MRPS6: variants seen among roughly 807,000 people sequenced by gnomAD.
The protein encoded by MRPS6 is small ribosomal subunit protein bS6m.
A neutral mutation model predicts 13.1 loss-of-function variants in MRPS6; 6 were observed. That is an observed-to-expected ratio of 0.46 (90% CI 0.25 to 0.91). The LOEUF is 0.91. Ranked by LOEUF, MRPS6 falls within the 40% of genes least tolerant of loss-of-function variation. MRPS6 has a pLI of 0.18. For missense variants in MRPS6, 164 were observed against 155.6 expected (o/e 1.05, Z -0.29); for synonymous variants, 61 against 56.5 (o/e 1.08, Z -0.36).
At chr21:34,130,815 T>C (rs1438815248) in intron 2 of MRPS6, among the ~76,000 whole-genome samples, 1 of 152,200 alleles carries the variant, frequency 6.6e-6, no homozygotes, top group Non-Finnish European at 1.5e-5. Flanking sequence ...TTAGTGTGGG[T>C]CAAAGTTACG....
At chr21:34,098,870 T>C (rs1056567336) in intron 1 of MRPS6, 5 of 999,644 alleles carry the variant, frequency 5.0e-6, no homozygotes, top group Non-Finnish European at 6.0e-6. Context: ...AAGCAAATTA[T>C]GTATGTACTT....
intron 1 of MRPS6, among the ~76,000 whole-genome samples, chr21:34,113,856 T>C (rs1979802472): frequency 6.6e-6 from 1 of 152,208 alleles, no homozygotes; most frequent in Non-Finnish European, 1.5e-5. Context: ...TCTAAATCTT[T>C]GGTTGACTGT....
At chr21:34,133,734 C>CT (rs552317640) in intron 2 of MRPS6, among the ~76,000 whole-genome samples, 47 of 152,280 alleles carry the variant, frequency 3.1e-4, no homozygotes, top group African/African-American at 1.1e-3. Flanking sequence ...GCACATTACT[C>CT]TAAGCACAGG....
At position 34,136,094 on chromosome 21, in the gene MRPS6, C is replaced by T. The variant is rs528395927; in HGVS notation, c.186-6314C>T. On this transcript the variant is annotated intron_variant, in intron 2 of 2. Transcript: ENST00000399312. ...CATCCAGAGGGCACAGCCCGAGTGTCTCTGTTACTTGGCGTGGACCTCGTG... is the reference window on the plus strand; with the variant it reads ...CATCCAGAGGGCACAGCCCGAGTGTTTCTGTTACTTGGCGTGGACCTCGTG... 187 of 217,544 alleles carry T rather than the reference C, an allele frequency of 8.6e-4. 4 individuals carry two copies. The highest frequency in any genetic ancestry group is 7.5e-3 in the South Asian group (92 of 12,242). 13.5% of individuals were successfully genotyped at this position (217,544 alleles called of 1,614,324 possible). A position where few individuals can be genotyped will look rare whatever the true frequency, so the allele number is the denominator to read the frequency against.
chr21:34,129,779 T>C (rs1227512401), intron 2 of MRPS6, among the ~76,000 whole-genome samples: 1 of 152,192 alleles, frequency 6.6e-6, no homozygotes, highest in Non-Finnish European at 1.5e-5. Flanking sequence ...CCCGTTCTCG[T>C]GTGTAGGTAC....
In MRPS6 at chr21:34,125,326, CACAA is replaced by C. The variant is rs749705954; in HGVS notation, c.46-9_46-6del. The C allele has an allele frequency of 2.1e-5, 33 of 1,599,794 alleles. No homozygotes were observed. The South Asian group carries it at 3.0e-4, about 14-fold the overall frequency. On this transcript the variant is annotated splice_polypyrimidine_tract_variant and intron_variant, in intron 1 of 2. Transcript: ENST00000399312. ...TGCTTTTTTTTCTTTTCTTTAAAAA[CACAA>C]ACAAAAACAGCCAGAGACTGCTGCT...
At chr21:34,074,584 C>G (rs921324439) in intron 1 of MRPS6, among the ~76,000 whole-genome samples, 1 of 152,242 alleles carries the variant, frequency 6.6e-6, no homozygotes, top group South Asian at 2.1e-4. Flanking sequence ...TCACTTCGTC[C>G]TCTGTCCTGG....
At chr21:34,082,531 T>C (rs1989482361) in intron 1 of MRPS6, among the ~76,000 whole-genome samples, 1 of 151,634 alleles carries the variant, frequency 6.6e-6, no homozygotes, top group Non-Finnish European at 1.5e-5. Context: ...GCCTAGAAAA[T>C]ATTTTTTTTT....
chr21:34,107,620 A>C lies in MRPS6; in HGVS notation c.46-17721A>C, dbSNP rs1298551615. Among the ~76,000 whole-genome samples the C allele has an allele frequency of 3.3e-5, 5 of 152,120 alleles. No individual in the cohort carries two copies. The South Asian group carries it at 1.0e-3, about 32-fold the overall frequency. ...GTTGTTACTGTAATGGCTATTTTCT[A>C]GCCTTTTTTTGATGGGGAGGATACT... is the stretch of plus-strand genomic sequence containing the variant. On this transcript the variant is annotated intron_variant, in intron 1 of 2. Transcript: ENST00000399312.
intron 1 of MRPS6, among the ~76,000 whole-genome samples, chr21:34,093,767 G>A (rs997888312): frequency 2.0e-5 from 3 of 152,142 alleles, no homozygotes; most frequent in Non-Finnish European, 4.4e-5. Flanking sequence ...GAGAGAAGCC[G>A]TCAAATTTTA....
At chr21:34,107,081 G>A (rs1249343027) in intron 1 of MRPS6, among the ~76,000 whole-genome samples, 5 of 152,058 alleles carry the variant, frequency 3.3e-5, no homozygotes, top group Non-Finnish European at 4.4e-5. Context: ...ACAGGCATGC[G>A]CCACCACACC....
At chr21:34,105,329 G>C in intron 1 of MRPS6, 4 of 998,584 alleles carry the variant, frequency 4.0e-6, no homozygotes, top group Non-Finnish European at 4.8e-6. Flanking sequence ...TGATAAGATG[G>C]ATATCAAAAA....
intron 1 of MRPS6, chr21:34,102,948 C>T: frequency 1.0e-6 from 1 of 999,800 alleles, no homozygotes; most frequent in Non-Finnish European, 1.2e-6. Flanking sequence ...TAAATTCACC[C>T]TGTTTCCTAG....
At chr21:34,077,284 G>T (rs964001367) in intron 1 of MRPS6, among the ~76,000 whole-genome samples, 3 of 152,196 alleles carry the variant, frequency 2.0e-5, no homozygotes, top group Non-Finnish European at 4.4e-5. Flanking sequence ...ATGAAACTTT[G>T]TAGACACTTT....
intron 1 of MRPS6, among the ~76,000 whole-genome samples, chr21:34,107,757 A>T (rs2148663805): frequency 6.6e-6 from 1 of 152,188 alleles, no homozygotes; most frequent in Admixed American, 6.5e-5. Context: ...ATGTTTCCAG[A>T]TTTAGCTGGT....
At position 34,132,251 on chromosome 21, in the gene MRPS6, C is replaced by G. The variant is rs189233528; in HGVS notation, c.185+6771C>G. On this transcript the variant is annotated intron_variant, in intron 2 of 2. Transcript: ENST00000399312. ...CGAATACAGTAAGGTCTGCCTGTCT[C>G]GGAGTCACTTCTCACCTTCGCTGTT... Among the ~76,000 whole-genome samples the G allele has an allele frequency of 2.2e-4, 34 of 152,252 alleles. 1 individual carries two copies. Among genetic ancestry groups the G allele is most frequent in the African/African-American group, 7.7e-4 (32 of 41,530 alleles).
chr21:34,136,712 C>A (rs1039342663), intron 2 of MRPS6, among the ~76,000 whole-genome samples: 1 of 152,136 alleles, frequency 6.6e-6, no homozygotes, highest in Non-Finnish European at 1.5e-5. Context: ...TATCAGACTT[C>A]TAATTCGCAA....
At chr21:34,116,090 C>G (rs1387025170) in intron 1 of MRPS6, among the ~76,000 whole-genome samples, 1 of 151,986 alleles carries the variant, frequency 6.6e-6, no homozygotes, top group Non-Finnish European at 1.5e-5. Flanking sequence ...TCACTGCAGC[C>G]TCATCTTCCC....
intron 1 of MRPS6, among the ~76,000 whole-genome samples, chr21:34,116,262 G>C (rs1979902520): frequency 6.7e-6 from 1 of 150,174 alleles, no homozygotes; most frequent in African/African-American, 2.5e-5. Context: ...TGCTCAGGCT[G>C]GTCTCGAACT....
Sources: allele counts gnomAD v4.1 joint callset (sites outside exome capture counted in the v4.1 genomes callset), GRCh38; gene constraint gnomAD v4.1.1; transcripts MANE v1.5; gene names NCBI Gene and HGNC (gene_info 2026-07-23, HGNC 2026-07-21).